HHIPL1: variants seen among roughly 807,000 people sequenced by gnomAD.
HHIPL1 encodes HHIP-like protein 1.
A neutral mutation model predicts 61.8 loss-of-function variants in HHIPL1; 43 were observed. The observed-to-expected ratio is 0.70, with a 90% CI of 0.55 to 0.90. HHIPL1 has a LOEUF of 0.90. Among genes scored for constraint, HHIPL1 ranks in the 40% least tolerant of loss-of-function variants. The pLI is 0.00. For synonymous variants in HHIPL1, 482 were observed against 515.8 expected (o/e 0.93, Z 0.89); for missense variants, 1,056 against 1,157.7 (o/e 0.91, Z 1.28).
the HHIPL1 span, among the ~76,000 whole-genome samples, chr14:99,618,166 G>A: frequency 7.2e-5 from 11 of 152,294 alleles, no homozygotes; most frequent in African/African-American, 2.6e-4. Flanking sequence ...TCACCAAGCA[G>A]GTGGGGGTTG....
At chr14:99,640,125 A>G in the HHIPL1 span, among the ~76,000 whole-genome samples, 18 of 152,024 alleles carry the variant, frequency 1.2e-4, no homozygotes, top group African/African-American at 4.4e-4. Flanking sequence ...CCCTTTTCTT[A>G]CCTGCCTTCT....
upstream of HHIPL1, among the ~76,000 whole-genome samples, chr14:99,644,551 A>G (rs1465712524): frequency 1.3e-5 from 2 of 152,136 alleles, no homozygotes; most frequent in Non-Finnish European, 2.9e-5. Context: ...TAGATTCATC[A>G]GTGCTCCCTA....
chr14:99,608,524 A>G, the HHIPL1 span, among the ~76,000 whole-genome samples: 3 of 152,272 alleles, frequency 2.0e-5, no homozygotes, highest in East Asian at 1.9e-4. Context: ...TGGACACCCA[A>G]GGACTCTGGT....
the HHIPL1 span, among the ~76,000 whole-genome samples, chr14:99,639,164 T>C: frequency 2.0e-5 from 3 of 152,256 alleles, no homozygotes; most frequent in Admixed American, 6.5e-5. Flanking sequence ...GGAACCGGGT[T>C]CTGGCTTCTA....
chr14:99,662,540 G>GAC (rs2056168534), intron 5 of HHIPL1, among the ~76,000 whole-genome samples: 1 of 152,210 alleles, frequency 6.6e-6, no homozygotes, highest in Admixed American at 6.5e-5. Flanking sequence ...TGCACACAGT[G>GAC]ACAGCTTCAT....
chr14:99,624,733 A>G, the HHIPL1 span: 1 of 152,362 alleles, frequency 6.6e-6, no homozygotes, highest in East Asian at 1.9e-4. Flanking sequence ...ACTCCCAGCA[A>G]CTGTGATTCT....
rs183345983 is a variant in HHIPL1 at position 99,672,359 on chromosome 14, G to A, written c.1773G>A (p.Val591=). 83 of 1,551,268 alleles carry A rather than the reference G, an allele frequency of 5.4e-5. No individual in the cohort carries two copies. In the African/African-American group the frequency reaches 9.4e-4, roughly 18 times the overall value. The change falls in exon 8 of 9, where the codon GTG becomes GTA. Residue 591 remains valine (V), a synonymous_variant. Coordinates refer to ENST00000330710, the MANE Select transcript of HHIPL1 (RefSeq NM_001127258.3). ...AATGTCAGATCCAGCCTGCTCAGGT[G>A]AAGATCAGAAGCCGTCTCATCCCCT... ...PGKCQIQPAQ[V]KIRSRLIPFV...
At chr14:99,667,712 C>T (rs1044931798) in intron 6 of HHIPL1, among the ~76,000 whole-genome samples, 1 of 152,216 alleles carries the variant, frequency 6.6e-6, no homozygotes, top group African/African-American at 2.4e-5. Flanking sequence ...TCATAGCTAG[C>T]TAATGCTGAT....
At chr14:99,642,323 C>T (rs1334450006), upstream of HHIPL1, among the ~76,000 whole-genome samples, 1 of 152,132 alleles carries the variant, frequency 6.6e-6, no homozygotes, top group African/African-American at 2.4e-5. Flanking sequence ...TCTGTATTTA[C>T]ATCTTTGGAA....
chr14:99,653,624 T>C (rs1417574585), intron 2 of HHIPL1, among the ~76,000 whole-genome samples: 1 of 152,180 alleles, frequency 6.6e-6, no homozygotes, highest in Non-Finnish European at 1.5e-5. Flanking sequence ...GGGTCCTTTT[T>C]CCCACCTGAA....
chr14:99,636,246 A>G, the HHIPL1 span, among the ~76,000 whole-genome samples: 2 of 150,798 alleles, frequency 1.3e-5, no homozygotes, highest in African/African-American at 2.4e-5. Flanking sequence ...TGACCCCTGG[A>G]GACTCAGAAA....
chr14:99,659,748 C>G lies in HHIPL1; in HGVS notation c.1367C>G (p.Thr456Ser). 7.0e-7 allele frequency: 1 copy of G among 1,433,194 alleles called. No homozygotes were observed. Among genetic ancestry groups the G allele is most frequent in the Non-Finnish European group, 9.1e-7 (1 of 1,097,902 alleles). The allele number at this position is 1,433,194 out of a possible 1,614,324, so 88.8% of individuals were successfully genotyped here. Residue 456 changes from threonine (T) to serine (S), a missense_variant, in exon 4 of 9, where the codon ACC (threonine) becomes AGC (serine). Transcript: ENST00000330710. ...ECYDRSLCAN[T>S]SLNDLLPIFA... The stretch of plus-strand genomic sequence containing the variant: ...TACGACCGCAGCCTGTGCGCCAACA[C>G]CTCTCTCAGTGAGTGCCCGCGCCCC...
At chr14:99,629,579 C>T in the HHIPL1 span, among the ~76,000 whole-genome samples, 1 of 152,038 alleles carries the variant, frequency 6.6e-6, no homozygotes, top group African/African-American at 2.4e-5. Flanking sequence ...CTCACTGCAA[C>T]CTCCACCTCC....
rs757503324 is a variant in HHIPL1 at position 99,668,964 on chromosome 14, G to C, written c.1730+661G>C. 2 of 1,591,864 alleles carry C rather than the reference G, an allele frequency of 1.3e-6. No individual in the cohort carries two copies. The highest frequency in any genetic ancestry group is 1.7e-6 in the Non-Finnish European group (2 of 1,167,088). On this transcript the variant is annotated intron_variant, in intron 7 of 8. Transcript: ENST00000330710. The surrounding 1 kb of genome is among the most constrained non-coding windows in gnomAD (Gnocchi z 4.7). ...ACGAAGTCATGGGCCTGGGGCCCAG[G>C]GCCAGGGTGGGGCCCAGGCCACTGG...
the HHIPL1 span, among the ~76,000 whole-genome samples, chr14:99,630,135 G>A: frequency 1.3e-5 from 2 of 152,192 alleles, no homozygotes; most frequent in Non-Finnish European, 2.9e-5. Context: ...AGCCTCCACT[G>A]TGTGCCAGTC....
At chr14:99,618,826 G>A in the HHIPL1 span, among the ~76,000 whole-genome samples, 4 of 152,358 alleles carry the variant, frequency 2.6e-5, no homozygotes, top group Non-Finnish European at 4.4e-5. Flanking sequence ...AAAGGAATGC[G>A]AGGGGTGCAC....
the HHIPL1 span, among the ~76,000 whole-genome samples, chr14:99,622,417 C>T: frequency 6.6e-6 from 1 of 152,228 alleles, no homozygotes; most frequent in African/African-American, 2.4e-5. Flanking sequence ...AATTTCCATC[C>T]TGCCCAAATG....
upstream of HHIPL1, among the ~76,000 whole-genome samples, chr14:99,643,435 G>A (rs1440637262): frequency 6.6e-6 from 1 of 152,146 alleles, no homozygotes; most frequent in African/African-American, 2.4e-5. Context: ...AGGTAAATAG[G>A]TATTAGGGTG....
At chr14:99,606,707 G>T in the HHIPL1 span, among the ~76,000 whole-genome samples, 1 of 152,200 alleles carries the variant, frequency 6.6e-6, no homozygotes, top group Non-Finnish European at 1.5e-5. Flanking sequence ...TTCCTCTGTG[G>T]AGTCTTGATA....
Sources: gnomAD v4.1 joint callset for allele counts (sites outside exome capture counted in the v4.1 genomes callset) on GRCh38, gnomAD v4.1.1 for gene constraint, Gnocchi (gnomAD v3.1) non-coding constraint, MANE v1.5 for transcripts, NCBI Gene and HGNC (gene_info 2026-07-23, HGNC 2026-07-21) for gene names.